SORCS2: variants seen among roughly 807,000 people sequenced by gnomAD.
SORCS2 encodes sortilin related VPS10 domain containing receptor 2.
A neutral mutation model predicts 141.6 loss-of-function variants in SORCS2; 100 were observed. The observed-to-expected ratio is 0.71, with a 90% CI of 0.60 to 0.83. The LOEUF is 0.83. Among genes scored for constraint, SORCS2 ranks in the 40% least tolerant of loss-of-function variants. The pLI is 0.00. For synonymous variants in SORCS2, 789 were observed against 676.9 expected (o/e 1.17, Z -2.57); for missense variants, 1,646 against 1,560.2 (o/e 1.05, Z -0.93).
chr4:7,634,680 G>A (rs1427294195), intron 3 of SORCS2, among the ~76,000 whole-genome samples: 3 of 152,240 alleles, frequency 2.0e-5, no homozygotes, highest in East Asian at 1.9e-4. Flanking sequence ...CCCCTCAAGC[G>A]CGGGCTGTGC....
At chr4:7,463,634 C>G (rs1729442363) in intron 2 of SORCS2, among the ~76,000 whole-genome samples, 1 of 152,148 alleles carries the variant, frequency 6.6e-6, no homozygotes, top group African/African-American at 2.4e-5. Flanking sequence ...TGTTGCTTAA[C>G]TTTAGTGGAA....
chr4:7,524,588 T>TG (rs1284156442), intron 2 of SORCS2, among the ~76,000 whole-genome samples: 1 of 151,876 alleles, frequency 6.6e-6, no homozygotes, highest in Non-Finnish European at 1.5e-5. Flanking sequence ...GGGTTTTGTT[T>TG]TTTTTTTTTC....
intron 2 of SORCS2, among the ~76,000 whole-genome samples, chr4:7,504,886 G>T (rs1024692796): frequency 3.9e-5 from 6 of 152,238 alleles, no homozygotes; most frequent in African/African-American, 1.4e-4. Context: ...GGTGAGCAGA[G>T]AAGCTCGGGA....
At chr4:7,682,618 C>T (rs1235097527) in intron 9 of SORCS2, 125 bp from the exon 10 acceptor site, 3 of 925,376 alleles carry the variant, frequency 3.2e-6, no homozygotes, top group Non-Finnish European at 4.9e-6. Context: ...AGCTGCTGGA[C>T]ATTGTGACTG....
At chr4:7,598,354 C>CGTGCTTCTGAGAGGCAG (rs1270152205) in intron 3 of SORCS2, among the ~76,000 whole-genome samples, 1 of 152,154 alleles carries the variant, frequency 6.6e-6, no homozygotes, top group Non-Finnish European at 1.5e-5. Flanking sequence ...AGAGAGGTTC[C>CGTGCTTCTGAGAGGCAG]GTGCTTCTGA....
intron 3 of SORCS2, among the ~76,000 whole-genome samples, chr4:7,604,067 G>A (rs144174634): frequency 2.9e-3 from 438 of 152,156 alleles, no homozygotes; most frequent in African/African-American, 8.6e-3. Context: ...TGTGTGTGTC[G>A]TGTGAGGCTC....
chr4:7,630,883 A>G (rs1331334832), intron 3 of SORCS2, among the ~76,000 whole-genome samples: 1 of 152,132 alleles, frequency 6.6e-6, no homozygotes, highest in Admixed American at 6.5e-5. Flanking sequence ...AGTCAAATCC[A>G]AATGACACCA....
intron 3 of SORCS2, among the ~76,000 whole-genome samples, chr4:7,618,981 A>G (rs953122353): frequency 3.3e-5 from 5 of 152,012 alleles, no homozygotes; most frequent in Non-Finnish European, 5.9e-5. Context: ...AAGCACCTGA[A>G]ATTTCTAACC....
intron 12 of SORCS2, among the ~76,000 whole-genome samples, chr4:7,701,265 A>G (rs140270641): frequency 0.013 from 1,957 of 147,302 alleles, 17 homozygotes; most frequent in South Asian, 0.032. Context: ...GGAGGGAAGA[A>G]GAGGGAGGGA....
intron 2 of SORCS2, among the ~76,000 whole-genome samples, chr4:7,417,788 A>T (rs1390651491): frequency 1.3e-5 from 2 of 152,164 alleles, no homozygotes; most frequent in African/African-American, 4.8e-5. Flanking sequence ...GCCCTTTTCA[A>T]TTCAATGGGG....
chr4:7,257,399 G>T, intron 1 of SORCS2, among the ~76,000 whole-genome samples: 2 of 152,220 alleles, frequency 1.3e-5, no homozygotes, highest in South Asian at 4.2e-4. Flanking sequence ...ACTCCCCGGG[G>T]CTCCAAGAGA....
At chr4:7,532,255 C>G (rs1229781947) in intron 3 of SORCS2, among the ~76,000 whole-genome samples, 1 of 152,196 alleles carries the variant, frequency 6.6e-6, no homozygotes, top group Non-Finnish European at 1.5e-5. Context: ...GCAAAGCTGT[C>G]CTGTGAACCT....
intron 2 of SORCS2, among the ~76,000 whole-genome samples, chr4:7,462,144 T>G (rs1381637655): frequency 6.6e-6 from 1 of 152,210 alleles, no homozygotes; most frequent in Admixed American, 6.5e-5. Flanking sequence ...CGCTCTTCCC[T>G]GGGCTCCGAG....
chr4:7,560,628 G>A (rs1298542743), intron 3 of SORCS2, among the ~76,000 whole-genome samples: 1 of 152,150 alleles, frequency 6.6e-6, no homozygotes, highest in Non-Finnish European at 1.5e-5. Context: ...ATCTTTGAAG[G>A]ACAGTAAAGA....
chr4:7,475,851 C>G (rs943181774), intron 2 of SORCS2, among the ~76,000 whole-genome samples: 1 of 152,224 alleles, frequency 6.6e-6, no homozygotes, highest in African/African-American at 2.4e-5. Context: ...TCAGGCCAGG[C>G]CTCCATCATC....
At chr4:7,631,429 G>A (rs1164303959) in intron 3 of SORCS2, among the ~76,000 whole-genome samples, 1 of 151,698 alleles carries the variant, frequency 6.6e-6, no homozygotes, top group East Asian at 2.0e-4. Flanking sequence ...AGCATCTCCC[G>A]GTGTCTGCCC....
intron 1 of SORCS2, among the ~76,000 whole-genome samples, chr4:7,343,953 C>T (rs1382092088): frequency 9.2e-5 from 14 of 152,202 alleles, no homozygotes; most frequent in Non-Finnish European, 2.1e-4. Context: ...CCTGTGCTCC[C>T]CTGTAAGGCG....
At chr4:7,632,241 G>T (rs1719940084) in intron 3 of SORCS2, among the ~76,000 whole-genome samples, 1 of 151,028 alleles carries the variant, frequency 6.6e-6, no homozygotes, top group Non-Finnish European at 1.5e-5. Context: ...AAATGAATCT[G>T]TCAAGCATTT....
chr4:7,298,703 C>T (rs1016986520), intron 1 of SORCS2, among the ~76,000 whole-genome samples: 31 of 152,186 alleles, frequency 2.0e-4, no homozygotes, highest in Non-Finnish European at 3.8e-4. Flanking sequence ...GCACTCCCGC[C>T]GTAGTATAGG....
Sources: allele counts gnomAD v4.1 joint callset (sites outside exome capture counted in the v4.1 genomes callset), GRCh38; gene constraint gnomAD v4.1.1; transcripts MANE v1.5; gene names NCBI Gene and HGNC (gene_info 2026-07-23, HGNC 2026-07-21).